DPYSL2: variants seen among roughly 807,000 people sequenced by gnomAD.
DPYSL2 encodes dihydropyrimidinase-related protein 2.
A neutral mutation model predicts 69.9 loss-of-function variants in DPYSL2; 13 were observed. That is an observed-to-expected ratio of 0.19 (90% CI 0.12 to 0.30). DPYSL2 has a LOEUF of 0.30. Ranked by LOEUF, DPYSL2 falls within the 10% of genes least tolerant of loss-of-function variation. The pLI, the probability that DPYSL2 is intolerant of heterozygous loss-of-function variation, is 1.00. For synonymous variants in DPYSL2, 326 were observed against 359.1 expected, an observed-to-expected ratio of 0.91 and a Z score of 1.04; for missense variants, 587 against 918.9, an observed-to-expected ratio of 0.64 and a Z score of 4.67.
chr8:26,573,975 A>G (rs1409664708), intron 1 of DPYSL2, among the ~76,000 whole-genome samples: 1 of 150,118 alleles, frequency 6.7e-6, no homozygotes, highest in Non-Finnish European at 1.5e-5. Flanking sequence ...GCACTTATTT[A>G]TGCACAAAAT....
chr8:26,607,591 A>T (rs1407215106), intron 3 of DPYSL2, among the ~76,000 whole-genome samples: 1 of 151,806 alleles, frequency 6.6e-6, no homozygotes, highest in Non-Finnish European at 1.5e-5. Flanking sequence ...GAAATTCAAG[A>T]CCAGCCTGGG....
At position 26,530,164 on chromosome 8, in the gene DPYSL2, GA is replaced by G. The variant is rs1043437332; in HGVS notation, c.354+15494del. ...AAGAAAGAAAAGAATTAACTGAAAA[GA>G]AAAAAAAACCAACAACTATCATCTA... On this transcript the variant is annotated intron_variant, in intron 1 of 13. Coordinates refer to ENST00000521913, the MANE Select transcript of DPYSL2 (RefSeq NM_001197293.3). Among the ~76,000 whole-genome samples, 301 of 107,542 alleles carry G rather than the reference GA, an allele frequency of 2.8e-3. 1 individual carries two copies. Among genetic ancestry groups the G allele is most frequent in the African/African-American group, 9.9e-3 (287 of 28,944 alleles). The allele number at this position is 107,542 out of a possible 152,430, so 70.6% of individuals were successfully genotyped here. A position where few individuals can be genotyped will look rare whatever the true frequency, so the allele number is the denominator to read the frequency against.
intron 1 of DPYSL2, among the ~76,000 whole-genome samples, chr8:26,575,865 G>A (rs1313293098): frequency 1.3e-5 from 2 of 152,020 alleles, no homozygotes; most frequent in Non-Finnish European, 2.9e-5. Context: ...GTTTTTTTGT[G>A]AGCTAATAGG....
chr8:26,655,171 G>T (rs896217807), intron 13 of DPYSL2, among the ~76,000 whole-genome samples: 4 of 152,000 alleles, frequency 2.6e-5, no homozygotes, highest in Non-Finnish European at 4.4e-5. Flanking sequence ...CCCTTCTGTA[G>T]TCTAAACTTC....
At chr8:26,616,411 G>A (rs1316305014) in intron 3 of DPYSL2, among the ~76,000 whole-genome samples, 1 of 152,214 alleles carries the variant, frequency 6.6e-6, no homozygotes, top group East Asian at 1.9e-4. Context: ...GCTCGGGAAA[G>A]CCACATAGAT....
At chr8:26,576,948 G>T (rs1801359953) in intron 1 of DPYSL2, 1 of 290,250 alleles carries the variant, frequency 3.4e-6, no homozygotes, top group Middle Eastern at 1.3e-3. Context: ...GGGAGCCGAG[G>T]TGGGCGTGAC....
intron 1 of DPYSL2, among the ~76,000 whole-genome samples, chr8:26,531,851 C>T (rs560136129): frequency 5.3e-5 from 8 of 151,368 alleles, no homozygotes; most frequent in South Asian, 2.1e-4. Context: ...GCTTAGGTGC[C>T]GGTCTTGGTG....
rs1208027307 is a variant in DPYSL2, at chr8:26,562,957, T to C, written c.355-19012T>C. Among the ~76,000 whole-genome samples the C allele has an allele frequency of 2.6e-5, 4 of 152,184 alleles. No individual in the cohort carries two copies. Among genetic ancestry groups the C allele is most frequent in the Non-Finnish European group, 5.9e-5 (4 of 68,026 alleles). On this transcript the variant is annotated intron_variant, in intron 1 of 13. Transcript: ENST00000521913. The surrounding 1 kb of genome is among the most constrained non-coding windows in gnomAD (Gnocchi z 4.9). ...CTGCTGGAATTCCTATATTGGTCTCTACATGGCTTCAGCTTCTTTACAGCA... is the reference window on the plus strand; with the variant it reads ...CTGCTGGAATTCCTATATTGGTCTCCACATGGCTTCAGCTTCTTTACAGCA...
chr8:26,634,635 T>G, intron 7 of DPYSL2, 145 bp from the exon 8 acceptor site: 2 of 1,377,638 alleles, frequency 1.5e-6, no homozygotes, highest in Non-Finnish European at 2.0e-6. Context: ...AGGCAAGTCA[T>G]ACTCCTTTGA....
intron 1 of DPYSL2, among the ~76,000 whole-genome samples, chr8:26,528,269 C>T (rs1459067942): frequency 6.6e-6 from 1 of 152,104 alleles, no homozygotes; most frequent in Non-Finnish European, 1.5e-5. Context: ...AGACAGGGCC[C>T]CTGGCAGACC....
intron 3 of DPYSL2, among the ~76,000 whole-genome samples, chr8:26,622,306 G>GAC (rs1184080265): frequency 6.6e-6 from 1 of 151,604 alleles, no homozygotes; most frequent in Non-Finnish European, 1.5e-5. Context: ...ATTTGAACTG[G>GAC]ACATCATTTT....
chr8:26,560,047 A>G lies in DPYSL2; in HGVS notation c.355-21922A>G, dbSNP rs546866411. Among the ~76,000 whole-genome samples the G allele has an allele frequency of 6.6e-6, 1 of 152,314 alleles. No homozygotes were observed. The highest frequency in any genetic ancestry group is 1.9e-4 in the East Asian group (1 of 5,188). Reference sequence around the variant, plus strand: ...TCCACTTTCCTTTGCCTCACATCCCAGCTCTGCCATGGCTAGTCCATGGGA... The same window carrying G: ...TCCACTTTCCTTTGCCTCACATCCCGGCTCTGCCATGGCTAGTCCATGGGA... On this transcript the variant is annotated intron_variant, in intron 1 of 13. Coordinates refer to ENST00000521913, the MANE Select transcript of DPYSL2 (RefSeq NM_001197293.3). The surrounding 1 kb of genome is among the most constrained non-coding windows in gnomAD (Gnocchi z 4.4).
chr8:26,561,205 T>C, intron 1 of DPYSL2, among the ~76,000 whole-genome samples: 1 of 152,106 alleles, frequency 6.6e-6, no homozygotes, highest in East Asian at 1.9e-4. Flanking sequence ...CACTCCTGCT[T>C]TCTTGAAGTA....
At position 26,643,737 on chromosome 8, in the gene DPYSL2, G is replaced by A; in HGVS notation, c.1283+142G>A. On this transcript the variant is annotated intron_variant, in intron 9 of 13. Coordinates refer to ENST00000521913, the MANE Select transcript of DPYSL2 (RefSeq NM_001197293.3). The surrounding 1 kb of genome is among the most constrained non-coding windows in gnomAD (Gnocchi z 6.5). Reference sequence around the variant, plus strand: ...TCACCAAACTAGGTTGGCTACATGAGTACAGGGAATTGTCATTCTAGCACC... The same window carrying A: ...TCACCAAACTAGGTTGGCTACATGAATACAGGGAATTGTCATTCTAGCACC... 3 of 1,309,504 alleles carry A rather than the reference G, an allele frequency of 2.3e-6. No individual in the cohort carries two copies. The highest frequency in any genetic ancestry group is 3.2e-6 in the Non-Finnish European group (3 of 943,126). The allele number at this position is 1,309,504 out of a possible 1,614,324, so 81.1% of individuals were successfully genotyped here.
At chr8:26,607,186 C>A (rs755324333) in intron 3 of DPYSL2, among the ~76,000 whole-genome samples, 12 of 152,116 alleles carry the variant, frequency 7.9e-5, no homozygotes, top group Non-Finnish European at 1.5e-4. Context: ...AGTATATAGT[C>A]ATTAAAATTT....
chr8:26,647,921 G>T lies in DPYSL2; in HGVS notation c.1596+121G>T. 4 of 1,222,032 alleles carry T rather than the reference G, an allele frequency of 3.3e-6. No individual in the cohort carries two copies. Among genetic ancestry groups the T allele is most frequent in the South Asian group, 3.2e-5 (2 of 62,428 alleles). The allele number at this position is 1,222,032 out of a possible 1,614,324, so 75.7% of individuals were successfully genotyped here. A position where few individuals can be genotyped will look rare whatever the true frequency, so the allele number is the denominator to read the frequency against. ...CTGTGATGGGAATGCGCTCGACTGA[G>T]GATGTTATGATTTGCAATTTGCTGG... On this transcript the variant is annotated intron_variant, in intron 11 of 13. Coordinates refer to ENST00000521913, the MANE Select transcript of DPYSL2 (RefSeq NM_001197293.3). The surrounding 1 kb of genome is among the most constrained non-coding windows in gnomAD (Gnocchi z 5.1).
intron 2 of DPYSL2, among the ~76,000 whole-genome samples, chr8:26,583,329 CTTT>C (rs71553807): frequency 4.3e-5 from 6 of 139,060 alleles, no homozygotes; most frequent in East Asian, 2.0e-4. Context: ...ATAGTGTTCA[CTTT>C]TTTTTTTTTT....
intron 1 of DPYSL2, among the ~76,000 whole-genome samples, chr8:26,525,972 A>C (rs1808469169): frequency 6.6e-6 from 1 of 151,986 alleles, no homozygotes; most frequent in South Asian, 2.1e-4. Context: ...TCTTATTCAG[A>C]TATTTCGTTT....
intron 4 of DPYSL2, among the ~76,000 whole-genome samples, chr8:26,625,318 G>T (rs1010831419): frequency 6.6e-6 from 1 of 152,184 alleles, no homozygotes; most frequent in Admixed American, 6.5e-5. Flanking sequence ...GGTAAACTTT[G>T]ACTTTTCTCA....
Sources: allele counts gnomAD v4.1 joint callset (sites outside exome capture counted in the v4.1 genomes callset), GRCh38; gene constraint gnomAD v4.1.1; non-coding constraint Gnocchi (gnomAD v3.1); transcripts MANE v1.5; gene names NCBI Gene and HGNC (gene_info 2026-07-23, HGNC 2026-07-21).